RIT2: variants seen among roughly 807,000 people sequenced by gnomAD.
RIT2 encodes the protein GTP-binding protein Rit2.
RIT2 carries 24 observed loss-of-function variants against 23.7 expected under a neutral mutation model. The ratio of observed to expected loss-of-function variants is 1.01; its 90% CI spans 0.73 to 1.43. RIT2 has a LOEUF of 1.43. Ranked by LOEUF, RIT2 falls within the 40% of genes most tolerant of loss-of-function variation. The pLI is 0.00. For synonymous variants in RIT2, 107 were observed against 91.1 expected, an observed-to-expected ratio of 1.17 and a Z score of -0.99; for missense variants, 236 against 266.9, an observed-to-expected ratio of 0.88 and a Z score of 0.81.
chr18:42,797,832 GT>G (rs1272279581), intron 4 of RIT2, among the ~76,000 whole-genome samples: 6 of 152,162 alleles, frequency 3.9e-5, no homozygotes, highest in Non-Finnish European at 7.4e-5. Flanking sequence ...AAATTTAAAT[GT>G]TTTAGAAAAT....
At chr18:43,029,654 A>G (rs1911810371) in intron 2 of RIT2, among the ~76,000 whole-genome samples, 1 of 152,082 alleles carries the variant, frequency 6.6e-6, no homozygotes, top group Admixed American at 6.6e-5. Context: ...AACTCAATGA[A>G]AAAGGAATTC....
At chr18:42,808,576 CG>C (rs770885788) in intron 4 of RIT2, among the ~76,000 whole-genome samples, 121 of 146,124 alleles carry the variant, frequency 8.3e-4, no homozygotes, top group South Asian at 8.4e-4. Context: ...AAAAAGAATT[CG>C]TTTTTTTTTT....
intron 3 of RIT2, among the ~76,000 whole-genome samples, chr18:42,965,465 T>C (rs1910193251): frequency 6.6e-6 from 1 of 152,126 alleles, no homozygotes; most frequent in Non-Finnish European, 1.5e-5. Context: ...AAACCTAATG[T>C]CCTCACTAAT....
At chr18:43,079,451 T>C (rs1047863629) in intron 1 of RIT2, among the ~76,000 whole-genome samples, 1 of 152,168 alleles carries the variant, frequency 6.6e-6, no homozygotes, top group African/African-American at 2.4e-5. Flanking sequence ...ATTTTTCAGA[T>C]ATTTTCATGT....
At chr18:42,855,623 T>G (rs1248468881) in intron 4 of RIT2, among the ~76,000 whole-genome samples, 1 of 152,214 alleles carries the variant, frequency 6.6e-6, no homozygotes, top group Admixed American at 6.5e-5. Flanking sequence ...AGTCTCATGG[T>G]TTTCCTCAGA....
chr18:43,074,171 T>C (rs957948652), intron 1 of RIT2, among the ~76,000 whole-genome samples: 1 of 152,176 alleles, frequency 6.6e-6, no homozygotes. Flanking sequence ...GTGGCAGTAA[T>C]TAGAAAGTAG....
Position 43,073,795 on chromosome 18 carries a change from C to T in RIT2, c.104-39928G>A, listed in dbSNP as rs534979609. Among the ~76,000 whole-genome samples the T allele has an allele frequency of 3.3e-5, 5 of 152,096 alleles. No individual in the cohort carries two copies. The East Asian group carries it at 9.7e-4, about 29-fold the overall frequency. On this transcript the variant is annotated intron_variant, in intron 1 of 4. Transcript: ENST00000326695. ...CCACTAACCATAAAACATAAGAGTC[C>T]TATAATGGCATTTAAAGAAGTTTTG...
At chr18:42,818,450 GT>G (rs1416316434) in intron 4 of RIT2, among the ~76,000 whole-genome samples, 1 of 152,072 alleles carries the variant, frequency 6.6e-6, no homozygotes, top group African/African-American at 2.4e-5. Context: ...AGACTGTACA[GT>G]GCTAACCCTT....
chr18:42,854,061 T>C (rs1907121863), intron 4 of RIT2, among the ~76,000 whole-genome samples: 2 of 152,316 alleles, frequency 1.3e-5, no homozygotes, highest in South Asian at 4.1e-4. Flanking sequence ...TAGTAATTCA[T>C]TGTTTAACTT....
At chr18:42,763,437 G>A (rs953027288) in intron 4 of RIT2, among the ~76,000 whole-genome samples, 1 of 149,030 alleles carries the variant, frequency 6.7e-6, no homozygotes, top group Non-Finnish European at 1.5e-5. Context: ...ACTCCAGCCT[G>A]GGCAACAGAG....
intron 2 of RIT2, 35 bp from the exon 3 acceptor site, chr18:42,974,182 T>C: frequency 6.9e-7 from 1 of 1,444,956 alleles, no homozygotes; most frequent in Non-Finnish European, 9.7e-7. Context: ...CATTTAAATG[T>C]GACAGGAAAG....
intron 1 of RIT2, among the ~76,000 whole-genome samples, chr18:43,042,001 A>T (rs969228247): frequency 2.0e-5 from 3 of 152,164 alleles, no homozygotes; most frequent in Admixed American, 6.5e-5. Flanking sequence ...CCTCCAAAAA[A>T]TACTTGATAT....
At chr18:43,025,238 A>AAC (rs1568059347) in intron 2 of RIT2, among the ~76,000 whole-genome samples, 1 of 92,662 alleles carries the variant, frequency 1.1e-5, no homozygotes, top group African/African-American at 5.3e-5. Context: ...AAAAAAAAAC[A>AAC]AAAAAAAAAA....
chr18:42,804,422 G>A (rs758497867), intron 4 of RIT2, among the ~76,000 whole-genome samples: 15 of 151,890 alleles, frequency 9.9e-5, no homozygotes, highest in Non-Finnish European at 2.2e-4. Context: ...AGGCATGTTG[G>A]TGAGCACCTG....
chr18:42,970,316 A>C (rs1910332044), intron 3 of RIT2, among the ~76,000 whole-genome samples: 2 of 152,070 alleles, frequency 1.3e-5, no homozygotes, highest in African/African-American at 2.4e-5. Context: ...AATTCTTAAC[A>C]AATGGAAGAC....
chr18:42,952,296 T>C (rs1027632953), intron 3 of RIT2, among the ~76,000 whole-genome samples: 7 of 152,074 alleles, frequency 4.6e-5, no homozygotes, highest in Non-Finnish European at 1.0e-4. Context: ...ACAAATACCA[T>C]ATGATACCAC....
chr18:43,062,279 A>T (rs12966275), intron 1 of RIT2, among the ~76,000 whole-genome samples: 2,330 of 152,258 alleles, frequency 0.015, 23 homozygotes, highest in Middle Eastern at 0.02. Context: ...TCCTTAAAAA[A>T]TTGAGAGTAA....
intron 3 of RIT2, among the ~76,000 whole-genome samples, chr18:42,956,086 T>C (rs1174850732): frequency 6.6e-6 from 1 of 152,138 alleles, no homozygotes; most frequent in Non-Finnish European, 1.5e-5. Context: ...AAAGGAACCC[T>C]CTTTTCACAG....
intron 2 of RIT2, among the ~76,000 whole-genome samples, chr18:42,999,258 C>A (rs1911053376): frequency 6.6e-6 from 1 of 151,902 alleles, no homozygotes; most frequent in Non-Finnish European, 1.5e-5. Context: ...AAAAAAAAAT[C>A]TTTCATTACT....
Sources: gnomAD v4.1 joint callset for allele counts (sites outside exome capture counted in the v4.1 genomes callset) on GRCh38, gnomAD v4.1.1 for gene constraint, MANE v1.5 for transcripts, NCBI Gene and HGNC (gene_info 2026-07-23, HGNC 2026-07-21) for gene names.